The following ANKRD10 variants were observed in gnomAD, a reference collection of about 807,000 sequenced individuals.
ANKRD10 encodes the protein ankyrin repeat domain-containing protein 10.
A neutral mutation model predicts 27.0 loss-of-function variants in ANKRD10; 14 were observed. The observed-to-expected ratio is 0.52, with a 90% CI of 0.34 to 0.81. ANKRD10 has a LOEUF of 0.81. Ranked by LOEUF, ANKRD10 falls within the 40% of genes least tolerant of loss-of-function variation. ANKRD10 has a pLI of 0.01. For synonymous variants in ANKRD10, 250 were observed against 224.5 expected (o/e 1.11, Z -1.01); for missense variants, 493 against 544.0 (o/e 0.91, Z 0.93).
intron 1 of ANKRD10, 46 bp downstream of exon 1, chr13:110,914,679 C>T: frequency 6.5e-7 from 1 of 1,527,528 alleles, no homozygotes; most frequent in Non-Finnish European, 8.8e-7. Flanking sequence ...CCCCGACTCC[C>T]ACTGGACAGC....
intron 2 of ANKRD10, among the ~76,000 whole-genome samples, chr13:110,909,238 TATTA>T (rs1216461116): frequency 1.3e-5 from 2 of 152,224 alleles, no homozygotes; most frequent in African/African-American, 4.8e-5. Context: ...AATTCCATAC[TATTA>T]ATTACTGCCA....
intron 5 of ANKRD10, 80 bp from the exon 6 acceptor site, chr13:110,880,192 CA>C: frequency 8.3e-7 from 1 of 1,198,394 alleles, no homozygotes; most frequent in East Asian, 2.5e-5. Flanking sequence ...ACTGCCATTA[CA>C]ATTTTAAAGA....
At chr13:110,913,746 C>T (rs768731254) in intron 1 of ANKRD10, among the ~76,000 whole-genome samples, 13 of 152,178 alleles carry the variant, frequency 8.5e-5, no homozygotes, top group Non-Finnish European at 1.5e-4. Flanking sequence ...AACCCCATCT[C>T]ATCACTTACG....
chr13:110,894,865 G>C (rs993316381), intron 3 of ANKRD10: 2 of 152,080 alleles, frequency 1.3e-5, no homozygotes, highest in African/African-American at 4.8e-5. Context: ...TGGGCAGATT[G>C]TATTACATTA....
intron 4 of ANKRD10, among the ~76,000 whole-genome samples, chr13:110,890,447 C>A (rs1368091728): frequency 6.6e-6 from 1 of 152,008 alleles, no homozygotes; most frequent in Non-Finnish European, 1.5e-5. Context: ...CACACAGACA[C>A]AAAAAAATAT....
rs899270604 is a variant in ANKRD10, at chr13:110,883,862, T to C, written c.692-69A>G. Reference sequence around the variant, plus strand: ...CAAGATAAGTGTTCAGACACACAGTTTACATTATTTTGTGTGAGCACTGAA... The same window carrying C: ...CAAGATAAGTGTTCAGACACACAGTCTACATTATTTTGTGTGAGCACTGAA... On this transcript the variant is annotated intron_variant, in intron 4 of 5. Coordinates refer to ENST00000267339, the MANE Select transcript of ANKRD10 (RefSeq NM_017664.4). 3.2e-6 allele frequency: 5 copies of C among 1,553,292 alleles called. No homozygotes were observed. In the African/African-American group the frequency reaches 6.8e-5, roughly 21 times the overall value.
At chr13:110,902,920 A>G (rs1328272234) in intron 3 of ANKRD10, among the ~76,000 whole-genome samples, 1 of 152,244 alleles carries the variant, frequency 6.6e-6, no homozygotes, top group East Asian at 1.9e-4. Flanking sequence ...CAAATCAGCC[A>G]AAAGTAATTG....
intron 3 of ANKRD10, among the ~76,000 whole-genome samples, chr13:110,902,712 T>C (rs904066402): frequency 1.3e-5 from 2 of 152,226 alleles, no homozygotes; most frequent in Non-Finnish European, 2.9e-5. Flanking sequence ...TCCTCTCCTG[T>C]AGAAAAGTTC....
chr13:110,908,672 G>A (rs1039156041), intron 2 of ANKRD10, among the ~76,000 whole-genome samples: 5 of 152,250 alleles, frequency 3.3e-5, no homozygotes, highest in African/African-American at 1.2e-4. Context: ...GCAGGTAGGC[G>A]GGGTGGGGAG....
rs757769685 is a variant in ANKRD10, at chr13:110,879,948, G to A, written c.952C>T (p.Pro318Ser). The change falls in exon 6 of 6, where the codon CCG becomes TCG. Residue 318 changes from proline to serine, a missense_variant. Pro to Ser is a moderately conservative substitution (Grantham distance 74). Coordinates refer to ENST00000267339, the MANE Select transcript of ANKRD10 (RefSeq NM_017664.4). Reference sequence around the variant, plus strand: ...AGAGAACCCTGGCTACTCGGAAACGGCTGTCCTGGGGCTAATCCACTGCTA... The same window carrying A: ...AGAGAACCCTGGCTACTCGGAAACGACTGTCCTGGGGCTAATCCACTGCTA... Reference protein sequence around the residue: ...GISSGLAPGQPFPSSQGSLCI... With the variant: ...GISSGLAPGQSFPSSQGSLCI... 4 of 1,614,184 alleles carry A rather than the reference G, an allele frequency of 2.5e-6. No individual in the cohort carries two copies. The highest frequency in any genetic ancestry group is 3.4e-6 in the Non-Finnish European group (4 of 1,180,038).
intron 3 of ANKRD10, chr13:110,895,193 AAT>A (rs1202955269): frequency 2.0e-5 from 3 of 152,378 alleles, no homozygotes; most frequent in Admixed American, 2.0e-4. Context: ...TATTAGGACA[AAT>A]AAAAATATGA....
intron 4 of ANKRD10, among the ~76,000 whole-genome samples, chr13:110,884,386 T>C (rs1400994963): frequency 6.6e-6 from 1 of 152,164 alleles, no homozygotes; most frequent in East Asian, 1.9e-4. Context: ...AAGATGACCA[T>C]TCTCTGTACT....
At chr13:110,901,363 C>T (rs1357327584) in intron 3 of ANKRD10, among the ~76,000 whole-genome samples, 1 of 152,150 alleles carries the variant, frequency 6.6e-6, no homozygotes, top group Non-Finnish European at 1.5e-5. Flanking sequence ...AATAGTTTTA[C>T]ACTGCAATTG....
At chr13:110,885,750 G>C (rs1296141815) in intron 4 of ANKRD10, among the ~76,000 whole-genome samples, 3 of 137,056 alleles carry the variant, frequency 2.2e-5, no homozygotes, top group Non-Finnish European at 3.5e-5. Flanking sequence ...ACACGAACAC[G>C]GTTTGTACAA....
rs377087289 is a variant in ANKRD10, at chr13:110,893,062, T to C, written c.657A>G (p.Ser219=). Residue 219 remains serine (S), a synonymous_variant, in exon 4 of 6, where the codon TCA becomes TCG. Coordinates refer to ENST00000267339, the MANE Select transcript of ANKRD10 (RefSeq NM_017664.4). ...TAGCTTTCTTTACTCCAAAGTCTTCTGAGTCTTCCAAGCATCTCTTTCGAT... is the reference window on the plus strand; with the variant it reads ...TAGCTTTCTTTACTCCAAAGTCTTCCGAGTCTTCCAAGCATCTCTTTCGAT... ...GTNRKRCLED[S]EDFGVKKART... The C allele has an allele frequency of 3.0e-5, 48 of 1,614,252 alleles. No homozygotes were observed. The African/African-American group carries it at 3.7e-4, about 13-fold the overall frequency.
At chr13:110,906,200 C>A (rs1273568231) in intron 2 of ANKRD10, 76 bp from the exon 3 acceptor site, 1 of 1,128,842 alleles carries the variant, frequency 8.9e-7, no homozygotes, top group Non-Finnish European at 1.3e-6. Flanking sequence ...GTCATTAACA[C>A]AGATCAGAGA....
chr13:110,879,546 T>C lies in ANKRD10; in HGVS notation c.*91A>G. On this transcript the variant is annotated 3_prime_UTR_variant, in exon 6 of 6. Coordinates refer to ENST00000267339, the MANE Select transcript of ANKRD10 (RefSeq NM_017664.4). ...TTGAAGTATATAAAAAACGTACAAG[T>C]TGTGACATTCGTTCAAGTTGCTGCT... 1.0e-6 allele frequency: 1 copy of C among 974,612 alleles called. No individual in the cohort carries two copies. The highest frequency in any genetic ancestry group is 1.5e-6 in the Non-Finnish European group (1 of 652,976). The allele number at this position is 974,612 out of a possible 1,614,324, so 60.4% of individuals were successfully genotyped here.
intron 3 of ANKRD10, among the ~76,000 whole-genome samples, chr13:110,896,302 C>G (rs557504458): frequency 1.3e-5 from 2 of 152,306 alleles, no homozygotes; most frequent in African/African-American, 4.8e-5. Flanking sequence ...TAGTGAGGTA[C>G]AAGAACATTT....
At chr13:110,887,006 C>G (rs188437999) in intron 4 of ANKRD10, among the ~76,000 whole-genome samples, 466 of 152,256 alleles carry the variant, frequency 3.1e-3, no homozygotes, top group Non-Finnish European at 5.0e-3. Context: ...AGGACTAGCT[C>G]AAAACCTCCA....
Sources: allele counts gnomAD v4.1 joint callset (sites outside exome capture counted in the v4.1 genomes callset), GRCh38; gene constraint gnomAD v4.1.1; transcripts MANE v1.5; gene names NCBI Gene and HGNC (gene_info 2026-07-23, HGNC 2026-07-21).